MYH2: variants seen among roughly 807,000 people sequenced by gnomAD.
MYH2 encodes the protein myosin-2.
MYH2 carries 139 observed loss-of-function variants against 228.1 expected under a neutral mutation model. That is an observed-to-expected ratio of 0.61 (90% confidence interval 0.53 to 0.70). The LOEUF (loss-of-function observed/expected upper bound fraction) is 0.70, where lower values mean the gene tolerates loss of function less well. MYH2 is among the 30% of genes least tolerant of loss of function. The probability of loss-of-function intolerance (pLI) is 0.00; values close to 1 mark genes in which losing one functional copy is unlikely to be tolerated. For synonymous variants in MYH2, 796 were observed against 871.1 expected, an observed-to-expected ratio of 0.91 and a Z score of 1.52; for missense variants, 1,809 against 2,357.5, an observed-to-expected ratio of 0.77 and a Z score of 4.82.
At chr17:10,538,381 A>C (rs2073508002) in intron 14 of MYH2, among the ~76,000 whole-genome samples, 1 of 152,096 alleles carries the variant, frequency 6.6e-6, no homozygotes, top group South Asian at 2.1e-4. Flanking sequence ...ATTTTTAAAA[A>C]TTCCCCAAAC....
chr17:10,548,001 T>A (rs2073657360), intron 2 of MYH2, 61 bp from the exon 3 acceptor site: 1 of 1,388,768 alleles, frequency 7.2e-7, no homozygotes, highest in Non-Finnish European at 1.0e-6. Flanking sequence ...CAATAAATCT[T>A]AATATTTATT....
chr17:10,523,017 C>G (rs775389157), intron 39 of MYH2, 73 bp downstream of exon 39: 2 of 1,085,864 alleles, frequency 1.8e-6, no homozygotes, highest in Non-Finnish European at 2.8e-6. Context: ...TTAAAGCAAA[C>G]AGCTTGTTCA....
At chr17:10,532,249 C>G (rs2073433662) in intron 21 of MYH2, among the ~76,000 whole-genome samples, 1 of 152,140 alleles carries the variant, frequency 6.6e-6, no homozygotes. Context: ...AAGGAGCACC[C>G]TTTGAGAAGC....
intron 19 of MYH2, among the ~76,000 whole-genome samples, chr17:10,534,541 T>G (rs1454559471): frequency 6.6e-6 from 1 of 152,252 alleles, no homozygotes; most frequent in Admixed American, 6.5e-5. Flanking sequence ...AGTTAACGTG[T>G]GCATCTATGA....
intron 28 of MYH2, 49 bp from the exon 29 acceptor site, chr17:10,527,105 C>G (rs765351755): frequency 6.5e-7 from 1 of 1,538,456 alleles, no homozygotes; most frequent in Non-Finnish European, 9.0e-7. Context: ...AAACAAGATT[C>G]TGCAAGCCCA....
chr17:10,527,740 A>G lies in MYH2; in HGVS notation c.3871+8T>C, dbSNP rs1174044532. The G allele has an allele frequency of 1.9e-6, 3 of 1,613,908 alleles. No homozygotes were observed. The highest frequency in any genetic ancestry group is 1.7e-5 in the Admixed American group (1 of 60,026). On this transcript the variant is annotated splice_region_variant and intron_variant, in intron 28 of 39. Transcript: ENST00000245503. ...ACCCTGAAGCTGCACAGAAGAGGGG[A>G]GAGTTACCAGATTCAGTCTGCAGGC...
At chr17:10,532,146 C>T (rs769377795) in intron 21 of MYH2, among the ~76,000 whole-genome samples, 8 of 152,164 alleles carry the variant, frequency 5.3e-5, no homozygotes, top group African/African-American at 1.2e-4. Flanking sequence ...ACCTCACCTC[C>T]GTAGATTCAG....
At chr17:10,535,513 GA>G in intron 17 of MYH2, 148 bp from the exon 18 acceptor site, 2 of 737,594 alleles carry the variant, frequency 2.7e-6, no homozygotes, top group Non-Finnish European at 4.7e-6. Context: ...TGCTTCTTCT[GA>G]GATGCTTTTT....
In MYH2 at chr17:10,533,781, C is replaced by T. The variant is rs998390240; in HGVS notation, c.2181-149G>A. On this transcript the variant is annotated intron_variant, in intron 19 of 39. Coordinates refer to ENST00000245503, the MANE Select transcript of MYH2 (RefSeq NM_017534.6). ...AACATTGTTTATTTGAATGGTCAAC[C>T]CTTTGGCAACCAATTTTTATTCCAT... 4.5e-6 allele frequency: 5 copies of T among 1,100,126 alleles called. No homozygotes were observed. In the South Asian group the frequency reaches 7.7e-5, roughly 17 times the overall value. The allele number at this position is 1,100,126 out of a possible 1,614,324, so 68.1% of individuals were successfully genotyped here.
At chr17:10,532,020 T>C in intron 21 of MYH2, 132 bp from the exon 22 acceptor site, 1 of 1,151,854 alleles carries the variant, frequency 8.7e-7, no homozygotes, top group Non-Finnish European at 1.3e-6. Flanking sequence ...AAAAATTCTA[T>C]TTCGGGATGA....
intron 27 of MYH2, 99 bp from the exon 28 acceptor site, chr17:10,527,973 A>C: frequency 2.9e-6 from 4 of 1,383,992 alleles, no homozygotes; most frequent in Non-Finnish European, 4.0e-6. Flanking sequence ...AAAAAATACA[A>C]TATTTATCTT....
At chr17:10,534,921 C>G (rs1295413763) in intron 19 of MYH2, 152 bp downstream of exon 19, 3 of 994,998 alleles carry the variant, frequency 3.0e-6, no homozygotes. Flanking sequence ...TGTCTCAAAA[C>G]AAAAGTGTTC....
rs1283441725 is a variant in MYH2 at position 10,528,741 on chromosome 17, C to T, written c.3693G>A (p.Lys1231=). 4.3e-6 allele frequency: 7 copies of T among 1,613,972 alleles called. No individual in the cohort carries two copies. In the East Asian group the frequency reaches 8.9e-5, roughly 21 times the overall value. ...QKLEKEKSEM[K]MEIDDLASNV... Reference sequence around the variant, plus strand: ...TACTAGCAAGGTCATCAATCTCCATCTTCATCTCACTCTTCTCCTTCTCCA... The same window carrying T: ...TACTAGCAAGGTCATCAATCTCCATTTTCATCTCACTCTTCTCCTTCTCCA... The change falls in exon 27 of 40, where the codon AAG becomes AAA. Residue 1231 remains lysine (K), a synonymous_variant. Transcript: ENST00000245503.
chr17:10,544,190 G>A, intron 5 of MYH2, 63 bp from the exon 6 acceptor site: 1 of 1,575,220 alleles, frequency 6.3e-7, no homozygotes, highest in Non-Finnish European at 8.7e-7. Context: ...GATAAGTAAA[G>A]TAAAATGGAA....
chr17:10,528,810 C>T lies in MYH2; in HGVS notation c.3624G>A (p.Glu1208=). The change falls in exon 27 of 40, where the codon GAG becomes GAA. Residue 1208 remains glutamate (E), a synonymous_variant. Transcript: ENST00000245503. ...LRKKHADSVA[E]LGEQIDNLQR... is the part of the protein sequence containing the mutation. ...GCAGGTTGTCAATCTGCTCCCCAAG[C>T]TCGGCCACACTATCTGCATGCTTCT... The T allele has an allele frequency of 6.2e-7, 1 of 1,614,220 alleles. No individual in the cohort carries two copies. The highest frequency in any genetic ancestry group is 8.5e-7 in the Non-Finnish European group (1 of 1,180,032).
intron 14 of MYH2, 79 bp downstream of exon 14, chr17:10,539,126 T>C: frequency 1.2e-6 from 2 of 1,610,692 alleles, no homozygotes; most frequent in Non-Finnish European, 1.7e-6. Flanking sequence ...GAAAAGGTCA[T>C]AGTCTTCACT....
intron 10 of MYH2, among the ~76,000 whole-genome samples, chr17:10,541,488 C>T (rs183032974): frequency 8.1e-4 from 123 of 152,308 alleles, no homozygotes; most frequent in African/African-American, 2.9e-3. Flanking sequence ...AACCCTGCCT[C>T]CTGATAAGAT....
At chr17:10,535,965 A>G (rs1035844197) in intron 17 of MYH2, among the ~76,000 whole-genome samples, 11 of 152,234 alleles carry the variant, frequency 7.2e-5, no homozygotes, top group Non-Finnish European at 1.0e-4. Context: ...CTCTGAGTTC[A>G]TGTCATTGCT....
chr17:10,531,014 T>A (rs186587450), intron 22 of MYH2, among the ~76,000 whole-genome samples: 2 of 152,314 alleles, frequency 1.3e-5, no homozygotes, highest in Non-Finnish European at 2.9e-5. Flanking sequence ...AATGATTGGT[T>A]CAGGAGAGGG....
Sources: gnomAD v4.1 joint callset for allele counts (sites outside exome capture counted in the v4.1 genomes callset) on GRCh38, gnomAD v4.1.1 for gene constraint, MANE v1.5 for transcripts, NCBI Gene and HGNC (gene_info 2026-07-23, HGNC 2026-07-21) for gene names.